ZNF823: variants seen among roughly 807,000 people sequenced by gnomAD.
The protein encoded by ZNF823 is ZFP 36 for a zinc finger protein.
In ZNF823, 5 loss-of-function variants were observed where a neutral mutation model predicts 11.4. The ratio of observed to expected loss-of-function variants is 0.44; its 90% CI spans 0.23 to 0.92. ZNF823 has a LOEUF of 0.92. Among genes scored for constraint, ZNF823 ranks in the 40% least tolerant of loss-of-function variants. ZNF823 has a pLI of 0.24. For missense variants in ZNF823, 582 were observed against 738.5 expected, an observed-to-expected ratio of 0.79 and a Z score of 2.46; for synonymous variants, 234 against 250.5, an observed-to-expected ratio of 0.93 and a Z score of 0.62.
chr19:11,738,868 T>A lies in ZNF823; in HGVS notation c.-49A>T. 2 of 1,596,604 alleles carry A rather than the reference T, an allele frequency of 1.3e-6. No homozygotes were observed. Among genetic ancestry groups the A allele is most frequent in the Non-Finnish European group, 1.7e-6 (2 of 1,172,046 alleles). ...TGTCCTCCTTAAAAGCCAGTGTGGG[T>A]CCCAGCGCGACAGACGCTGATACAG... On this transcript the variant is annotated 5_prime_UTR_variant, in exon 1 of 4. Coordinates refer to ENST00000341191, the MANE Select transcript of ZNF823 (RefSeq NM_001080493.4).
At chr19:11,724,286 A>G (rs897623378) in intron 2 of ZNF823, 32 bp from the exon 3 acceptor site, 1 of 1,572,530 alleles carries the variant, frequency 6.4e-7, no homozygotes, top group Non-Finnish European at 8.6e-7. Context: ...ATCACTAAAA[A>G]TGTTTACAAA....
In ZNF823 at chr19:11,727,500, C is replaced by T. The variant is rs940030642; in HGVS notation, c.4-2173G>A. ...ACTCCAGCCTGGAGACAGAGTGAGA[C>T]TCCATCTCAAAACAAACAAACAAAC... On this transcript the variant is annotated intron_variant, in intron 1 of 3. Transcript: ENST00000341191. Among the ~76,000 whole-genome samples the T allele has an allele frequency of 3.9e-5, 6 of 152,122 alleles. No homozygotes were observed. In the East Asian group the frequency reaches 7.7e-4, roughly 20 times the overall value.
At chr19:11,724,666 C>G (rs1262488298) in intron 2 of ZNF823, among the ~76,000 whole-genome samples, 1 of 149,112 alleles carries the variant, frequency 6.7e-6, no homozygotes, top group Non-Finnish European at 1.5e-5. Context: ...TCACGTCATT[C>G]TCCTGCCTCA....
Position 11,738,558 on chromosome 19 carries a change from G to A in ZNF823, c.3+259C>T, listed in dbSNP as rs992330771. 3.0e-4 allele frequency among the ~76,000 whole-genome samples: 46 copies of A among 152,214 alleles called. 1 individual carries two copies. Among genetic ancestry groups the A allele is most frequent in the Admixed American group, 9.8e-4 (15 of 15,288 alleles). The stretch of plus-strand genomic sequence containing the variant: ...AATCTGGGGAGACGCGGAGCTGCGG[G>A]CGCGGAGCTGCCCAGAGAGGGCGCC... On this transcript the variant is annotated intron_variant, in intron 1 of 3. Transcript: ENST00000341191.
intron 1 of ZNF823, among the ~76,000 whole-genome samples, chr19:11,728,863 G>T (rs1394265373): frequency 6.6e-6 from 1 of 152,060 alleles, no homozygotes; most frequent in Non-Finnish European, 1.5e-5. Context: ...GACATGGACT[G>T]GCTGAATAGA....
intron 1 of ZNF823, among the ~76,000 whole-genome samples, chr19:11,731,160 A>G (rs1244407030): frequency 6.6e-6 from 1 of 151,918 alleles, no homozygotes; most frequent in Non-Finnish European, 1.5e-5. Flanking sequence ...TAAAAATACA[A>G]AATTAGCCAG....
At chr19:11,730,034 T>C (rs1182029392) in intron 1 of ZNF823, among the ~76,000 whole-genome samples, 2 of 152,060 alleles carry the variant, frequency 1.3e-5, no homozygotes, top group Admixed American at 1.3e-4. Context: ...GTTCAAGTGA[T>C]TCTTCTGCCT....
chr19:11,722,390 GTGT>G lies in ZNF823; in HGVS notation c.1141_1143del (p.Thr381del). On this transcript the variant is annotated inframe_deletion, in exon 4 of 4. Coordinates refer to ENST00000341191, the MANE Select transcript of ZNF823 (RefSeq NM_001080493.4). The surrounding 1 kb of genome is among the most constrained non-coding windows in gnomAD (Gnocchi z 5.2). Reference sequence around the variant, plus strand: ...CATTTCTGGGGTCCATCTCCTGTGTGTGTTATCATGTGACTTCGAAAGCTCGAG... The same window carrying G: ...CATTTCTGGGGTCCATCTCCTGTGTGTATCATGTGACTTCGAAAGCTCGAG... 3 of 1,614,024 alleles carry G rather than the reference GTGT, an allele frequency of 1.9e-6. No individual in the cohort carries two copies. The highest frequency in any genetic ancestry group is 2.5e-6 in the Non-Finnish European group (3 of 1,180,016).
chr19:11,733,268 G>A (rs937623620), intron 1 of ZNF823, among the ~76,000 whole-genome samples: 23 of 151,022 alleles, frequency 1.5e-4, no homozygotes, highest in Admixed American at 1.5e-3. Flanking sequence ...TCAGGAGACT[G>A]AGGCAGGAGA....
chr19:11,725,587 C>T (rs1196354239), intron 1 of ZNF823, among the ~76,000 whole-genome samples: 2 of 152,146 alleles, frequency 1.3e-5, no homozygotes, highest in South Asian at 2.1e-4. Context: ...TTATTGCCTG[C>T]GTCACCCCTG....
chr19:11,724,581 C>CA (rs372880996), intron 2 of ZNF823, among the ~76,000 whole-genome samples: 4,797 of 124,550 alleles, frequency 0.039, 112 homozygotes, highest in Non-Finnish European at 0.055. Flanking sequence ...TTTTTTGAGA[C>CA]AGAGTCCCGC....
chr19:11,738,036 G>A (rs554251177), intron 1 of ZNF823, among the ~76,000 whole-genome samples: 1 of 152,302 alleles, frequency 6.6e-6, no homozygotes, highest in African/African-American at 2.4e-5. Context: ...GTCCTCACCG[G>A]GTTCACAGGA....
chr19:11,738,736 C>A (rs1568472337), intron 1 of ZNF823, 81 bp downstream of exon 1: 1 of 1,494,446 alleles, frequency 6.7e-7, no homozygotes, highest in Non-Finnish European at 8.9e-7. Flanking sequence ...CAGGGCGAGG[C>A]CCGGGTCCCC....
intron 1 of ZNF823, among the ~76,000 whole-genome samples, chr19:11,731,440 T>TAAC (rs1974892585): frequency 6.6e-6 from 1 of 152,156 alleles, no homozygotes; most frequent in African/African-American, 2.4e-5. Context: ...ATATACTGAA[T>TAAC]AACAGTCAGT....
intron 1 of ZNF823, among the ~76,000 whole-genome samples, chr19:11,736,259 A>G (rs904188660): frequency 8.5e-5 from 13 of 152,202 alleles, no homozygotes; most frequent in African/African-American, 2.9e-4. Context: ...GCTCTCTCCT[A>G]TAATCCCAGC....
intron 1 of ZNF823, among the ~76,000 whole-genome samples, chr19:11,728,648 T>C (rs1974839086): frequency 6.6e-6 from 1 of 152,060 alleles, no homozygotes; most frequent in Non-Finnish European, 1.5e-5. Flanking sequence ...ACTAATAAAA[T>C]TTAAGAAACA....
In ZNF823 at chr19:11,738,824, C is replaced by T; in HGVS notation, c.-5G>A. ...CGGGCCCCGCACACTCACCATTTCC[C>T]AGCTTCCAGGTGTCCGGGTGTCCTC... On this transcript the variant is annotated 5_prime_UTR_variant, in exon 1 of 4. Transcript: ENST00000341191. 6.2e-7 allele frequency: 1 copy of T among 1,610,444 alleles called. No individual in the cohort carries two copies. Among genetic ancestry groups the T allele is most frequent in the Non-Finnish European group, 8.5e-7 (1 of 1,178,408 alleles).
chr19:11,726,311 T>TATATATATATATATA, intron 1 of ZNF823, among the ~76,000 whole-genome samples: 1 of 142,742 alleles, frequency 7.0e-6, no homozygotes, highest in Admixed American at 7.1e-5. Flanking sequence ...TATATATAAA[T>TATATATATATATATA]TTTTTTTTAA....
At chr19:11,726,311 T>TATATATATATATATATA (rs1555766623) in intron 1 of ZNF823, among the ~76,000 whole-genome samples, 2 of 142,732 alleles carry the variant, frequency 1.4e-5, no homozygotes, top group Non-Finnish European at 3.1e-5. Flanking sequence ...TATATATAAA[T>TATATATATATATATATA]TTTTTTTTAA....
Sources: allele counts gnomAD v4.1 joint callset (sites outside exome capture counted in the v4.1 genomes callset), GRCh38; gene constraint gnomAD v4.1.1; non-coding constraint Gnocchi (gnomAD v3.1); transcripts MANE v1.5; gene names NCBI Gene and HGNC (gene_info 2026-07-23, HGNC 2026-07-21).